Variants in CRACR2A observed in about 807,000 individuals in gnomAD.
The protein encoded by CRACR2A is calcium release activated channel regulator 2A.
A neutral mutation model predicts 90.5 loss-of-function variants in CRACR2A; 79 were observed. The observed-to-expected ratio is 0.87, with a 90% CI of 0.73 to 1.05. The LOEUF is 1.05. Among genes scored for constraint, CRACR2A ranks in the 50% least tolerant of loss-of-function variants. The probability of loss-of-function intolerance (pLI) is 0.00; values close to 1 mark genes in which losing one functional copy is unlikely to be tolerated. For synonymous variants in CRACR2A, 338 were observed against 356.7 expected, an observed-to-expected ratio of 0.95 and a Z score of 0.59; for missense variants, 823 against 897.2, an observed-to-expected ratio of 0.92 and a Z score of 1.06.
chr12:3,708,341 G>A (rs1945959241), intron 3 of CRACR2A, among the ~76,000 whole-genome samples: 1 of 152,204 alleles, frequency 6.6e-6, no homozygotes, highest in Non-Finnish European at 1.5e-5. Context: ...GAACTTTGCT[G>A]AGATCTCACT....
intron 14 of CRACR2A, among the ~76,000 whole-genome samples, chr12:3,637,264 C>A (rs535217406): frequency 6.6e-6 from 1 of 152,332 alleles, no homozygotes; most frequent in East Asian, 1.9e-4. Context: ...GAACCTGCCT[C>A]TGCTAAGAGC....
intron 6 of CRACR2A, among the ~76,000 whole-genome samples, chr12:3,677,409 C>T (rs1329247206): frequency 2.7e-5 from 4 of 145,776 alleles, no homozygotes; most frequent in East Asian, 2.2e-4. Flanking sequence ...TCCTCTTCTT[C>T]GGGACATCTC....
At chr12:3,739,570 T>C (rs1488837158) in intron 1 of CRACR2A, among the ~76,000 whole-genome samples, 2 of 152,208 alleles carry the variant, frequency 1.3e-5, no homozygotes, top group African/African-American at 4.8e-5. Flanking sequence ...TGAACTCGTG[T>C]TCAGCAGTTA....
At chr12:3,680,407 C>A in intron 4 of CRACR2A, 58 bp from the exon 5 acceptor site, 1 of 1,456,310 alleles carries the variant, frequency 6.9e-7, no homozygotes, top group East Asian at 2.3e-5. Context: ...GGGGAGGTGA[C>A]CTGGGACTGC....
Position 3,654,414 on chromosome 12 carries a change from G to A in CRACR2A, c.859-15C>T. On this transcript the variant is annotated splice_polypyrimidine_tract_variant and intron_variant, in intron 9 of 19. Coordinates refer to ENST00000440314, the MANE Select transcript of CRACR2A (RefSeq NM_001144958.2). ...TGACCTTCCAGCTGCAAAGGAATGG[G>A]GAGCAGAGGGGAATGAGGAGTGACC... The A allele has an allele frequency of 6.4e-7, 1 of 1,574,394 alleles. No homozygotes were observed. The highest frequency in any genetic ancestry group is 1.4e-5 in the African/African-American group (1 of 72,748).
At chr12:3,670,731 G>T (rs1945223822) in intron 7 of CRACR2A, among the ~76,000 whole-genome samples, 1 of 152,148 alleles carries the variant, frequency 6.6e-6, no homozygotes, top group South Asian at 2.1e-4. Flanking sequence ...TTACACAGCT[G>T]GTAAGTGCCA....
chr12:3,687,632 C>G (rs1945583898), intron 4 of CRACR2A, among the ~76,000 whole-genome samples: 1 of 152,142 alleles, frequency 6.6e-6, no homozygotes, highest in Non-Finnish European at 1.5e-5. Flanking sequence ...TGTCTTTGCT[C>G]CTGTGAATGG....
chr12:3,635,814 C>A (rs1165151996), intron 14 of CRACR2A, among the ~76,000 whole-genome samples: 1 of 152,132 alleles, frequency 6.6e-6, no homozygotes, highest in Non-Finnish European at 1.5e-5. Context: ...GGGATTACCA[C>A]CATGGCCTCC....
intron 3 of CRACR2A, among the ~76,000 whole-genome samples, chr12:3,700,124 A>G (rs1358907297): frequency 6.6e-6 from 1 of 152,190 alleles, no homozygotes; most frequent in Non-Finnish European, 1.5e-5. Context: ...ACAGGATTTA[A>G]AAAGACATCT....
At chr12:3,720,547 G>A (rs1162263992) in intron 2 of CRACR2A, among the ~76,000 whole-genome samples, 4 of 152,166 alleles carry the variant, frequency 2.6e-5, no homozygotes, top group South Asian at 2.1e-4. Context: ...AGGTCTCGAC[G>A]GGATCCTGAT....
At chr12:3,744,126 T>C (rs550890403) in intron 1 of CRACR2A, among the ~76,000 whole-genome samples, 1 of 152,336 alleles carries the variant, frequency 6.6e-6, no homozygotes, top group African/African-American at 2.4e-5. Flanking sequence ...AAACCCCTGC[T>C]AGCCAGAGAA....
chr12:3,680,548 G>T (rs1945428946), intron 4 of CRACR2A, among the ~76,000 whole-genome samples, 199 bp from the exon 5 acceptor site: 1 of 152,220 alleles, frequency 6.6e-6, no homozygotes. Context: ...TTGATTGGGT[G>T]CCTACGAATG....
At chr12:3,673,203 T>C (rs372073475) in intron 7 of CRACR2A, among the ~76,000 whole-genome samples, 3 of 152,276 alleles carry the variant, frequency 2.0e-5, no homozygotes, top group African/African-American at 7.2e-5. Context: ...AGCGTTGTGG[T>C]GAGAACTAAA....
intron 11 of CRACR2A, chr12:3,648,334 G>T: frequency 6.8e-7 from 1 of 1,473,338 alleles, no homozygotes; most frequent in Admixed American, 2.2e-5. Flanking sequence ...GGAATAAACT[G>T]GATGTGGGCG....
intron 8 of CRACR2A, among the ~76,000 whole-genome samples, chr12:3,657,469 G>C (rs1435304434): frequency 6.6e-6 from 1 of 152,214 alleles, no homozygotes; most frequent in Non-Finnish European, 1.5e-5. Flanking sequence ...TCGGGCCAGA[G>C]GCCTTTGGAC....
intron 7 of CRACR2A, among the ~76,000 whole-genome samples, chr12:3,666,019 C>A (rs1048946316): frequency 6.6e-6 from 1 of 152,102 alleles, no homozygotes; most frequent in African/African-American, 2.4e-5. Flanking sequence ...TAGGTTCTGG[C>A]TGATGGTCAT....
intron 10 of CRACR2A, 38 bp from the exon 11 acceptor site, chr12:3,648,651 G>A (rs1350806876): frequency 4.4e-6 from 7 of 1,593,582 alleles, no homozygotes; most frequent in Non-Finnish European, 6.0e-6. Context: ...GAGCTCCCAG[G>A]TGGAAGCCGG....
chr12:3,654,444 T>C, intron 9 of CRACR2A, 45 bp from the exon 10 acceptor site: 2 of 1,532,036 alleles, frequency 1.3e-6, no homozygotes, highest in Non-Finnish European at 1.8e-6. Flanking sequence ...GTGACCACCA[T>C]TTTCAGGAGG....
intron 10 of CRACR2A, among the ~76,000 whole-genome samples, chr12:3,649,089 G>C (rs1944746572): frequency 6.6e-6 from 1 of 152,032 alleles, no homozygotes; most frequent in Non-Finnish European, 1.5e-5. Context: ...GTGGGGTGGG[G>C]GAAGGGGGGA....
Sources: gnomAD v4.1 joint callset for allele counts (sites outside exome capture counted in the v4.1 genomes callset) on GRCh38, gnomAD v4.1.1 for gene constraint, MANE v1.5 for transcripts, NCBI Gene and HGNC (gene_info 2026-07-23, HGNC 2026-07-21) for gene names.